The following TNFAIP8 variants were observed in gnomAD, a reference collection of about 807,000 sequenced individuals.
TNFAIP8 encodes the protein tumor necrosis factor alpha-induced protein 8.
In TNFAIP8, 7 loss-of-function variants were observed where a neutral mutation model predicts 13.3. The ratio of observed to expected loss-of-function variants is 0.52; its 90% confidence interval spans 0.30 to 0.99. TNFAIP8 has a LOEUF of 0.99. Among genes scored for constraint, TNFAIP8 ranks in the 50% least tolerant of loss-of-function variants. The pLI is 0.07. For synonymous variants in TNFAIP8, 94 were observed against 87.6 expected (o/e 1.07, Z -0.41); for missense variants, 258 against 236.9 (o/e 1.09, Z -0.58).
chr5:119,333,522 T>C (rs1750451251), intron 1 of TNFAIP8: 2 of 1,531,888 alleles, frequency 1.3e-6, no homozygotes, highest in African/African-American at 1.4e-5. Flanking sequence ...GGTTCCATAG[T>C]GTACACGTCA....
chr5:119,331,998 T>G (rs1352221769), intron 1 of TNFAIP8, among the ~76,000 whole-genome samples: 2 of 152,208 alleles, frequency 1.3e-5, no homozygotes, highest in African/African-American at 4.8e-5. Flanking sequence ...CCTGATGTTT[T>G]CATGGCATGA....
At chr5:119,350,994 CACTCTG>C (rs1358664471) in intron 1 of TNFAIP8, among the ~76,000 whole-genome samples, 2 of 110,676 alleles carry the variant, frequency 1.8e-5, no homozygotes, top group African/African-American at 8.9e-5. Context: ...AGAGGGGTCT[CACTCTG>C]TGTGTGTGTG....
At chr5:119,269,141 A>C (rs1486908850) in intron 1 of TNFAIP8, among the ~76,000 whole-genome samples, 1 of 152,158 alleles carries the variant, frequency 6.6e-6, no homozygotes, top group Admixed American at 6.5e-5. Flanking sequence ...CCAGTGCCGC[A>C]CTGAGGATCC....
intron 1 of TNFAIP8, among the ~76,000 whole-genome samples, chr5:119,291,625 A>C (rs1399650510): frequency 1.3e-5 from 2 of 152,280 alleles, no homozygotes; most frequent in Non-Finnish European, 2.9e-5. Context: ...ATCTTTGAAT[A>C]GTGAAAGGCA....
intron 1 of TNFAIP8, among the ~76,000 whole-genome samples, chr5:119,376,374 G>A (rs775736856): frequency 6.6e-6 from 1 of 152,090 alleles, no homozygotes; most frequent in Non-Finnish European, 1.5e-5. Flanking sequence ...GCCCACCTCA[G>A]CCTCCCAAAG....
At chr5:119,328,264 C>T (rs563206204) in intron 1 of TNFAIP8, among the ~76,000 whole-genome samples, 11 of 152,328 alleles carry the variant, frequency 7.2e-5, no homozygotes, top group Non-Finnish European at 1.2e-4. Context: ...AGAGACAACT[C>T]GGCCTCCCAA....
intron 1 of TNFAIP8, among the ~76,000 whole-genome samples, chr5:119,370,970 A>G (rs1752048915): frequency 6.6e-6 from 1 of 152,208 alleles, no homozygotes; most frequent in South Asian, 2.1e-4. Context: ...AGATTGCTCT[A>G]TTTTGTGATA....
At chr5:119,286,836 T>C (rs1037965958) in intron 1 of TNFAIP8, among the ~76,000 whole-genome samples, 9 of 152,168 alleles carry the variant, frequency 5.9e-5, no homozygotes, top group Non-Finnish European at 1.0e-4. Context: ...ACAAGACAAG[T>C]TGTCAGGATT....
intron 1 of TNFAIP8, among the ~76,000 whole-genome samples, chr5:119,316,883 T>A (rs1749913529): frequency 6.6e-6 from 1 of 152,176 alleles, no homozygotes; most frequent in African/African-American, 2.4e-5. Flanking sequence ...TGGTATCTAG[T>A]GGGTAGAAGA....
chr5:119,376,068 A>G (rs561469637), intron 1 of TNFAIP8, among the ~76,000 whole-genome samples: 12 of 152,194 alleles, frequency 7.9e-5, no homozygotes, highest in Non-Finnish European at 1.6e-4. Flanking sequence ...TTCCACCCAA[A>G]GAACACTGAA....
chr5:119,269,286 C>T (rs1227709668), intron 1 of TNFAIP8, among the ~76,000 whole-genome samples: 2 of 152,164 alleles, frequency 1.3e-5, no homozygotes, highest in African/African-American at 2.4e-5. Flanking sequence ...CACATACTGG[C>T]GAAAGCACTG....
Position 119,393,573 on chromosome 5 carries a change from T to C in TNFAIP8, c.*192T>C, listed in dbSNP as rs1752985126. The C allele has an allele frequency of 1.6e-6, 1 of 634,316 alleles. No homozygotes were observed. 39.3% of individuals were successfully genotyped at this position (634,316 alleles called of 1,614,324 possible). ...AAGAAAAGCATATTGCCAAAAATTC[T>C]GGTTAAAAGCTTCCTAACGGGTAAC... is the stretch of plus-strand genomic sequence containing the variant. On this transcript the variant is annotated 3_prime_UTR_variant, in exon 2 of 2. Transcript: ENST00000504771.
At position 119,395,187 on chromosome 5, in the gene TNFAIP8, GTATATGCTGTAA is replaced by G. The variant is rs1753044902; in HGVS notation, c.*1807_*1818del. On this transcript the variant is annotated 3_prime_UTR_variant, in exon 2 of 2. Transcript: ENST00000504771. ...ACTTCCTAGAGCCAGTAGGTGATCAGTATATGCTGTAACAATAACACAGTGACTACAGAAATG... is the reference window on the plus strand; with the variant it reads ...ACTTCCTAGAGCCAGTAGGTGATCAGCAATAACACAGTGACTACAGAAATG... 1 of 152,204 alleles carries G rather than the reference GTATATGCTGTAA, an allele frequency of 6.6e-6. No individual in the cohort carries two copies. The highest frequency in any genetic ancestry group is 2.1e-4 in the South Asian group (1 of 4,832). The allele number at this position is 152,204 out of a possible 1,614,324, so 9.4% of individuals were successfully genotyped here. A position where few individuals can be genotyped will look rare whatever the true frequency, so the allele number is the denominator to read the frequency against.
chr5:119,387,734 T>C (rs894249509), intron 1 of TNFAIP8, among the ~76,000 whole-genome samples: 1 of 152,214 alleles, frequency 6.6e-6, no homozygotes. Flanking sequence ...CACTTTGCCT[T>C]ACAGCAAATG....
chr5:119,362,492 G>T (rs1394368278), intron 1 of TNFAIP8, among the ~76,000 whole-genome samples: 1 of 152,112 alleles, frequency 6.6e-6, no homozygotes, highest in Non-Finnish European at 1.5e-5. Context: ...CTGAAGTTCA[G>T]TTTCCCCATT....
rs187279144 is a variant in TNFAIP8, at chr5:119,375,284, C to T, written c.32-17532C>T. On this transcript the variant is annotated intron_variant, in intron 1 of 1. Coordinates refer to ENST00000504771, the MANE Select transcript of TNFAIP8 (RefSeq NM_014350.4). ...TCTGTTTTTCTTCCTGTGGTCTCCA[C>T]GGCTTCTTCTATCTCCTAAAATAGG... 2.9e-3 allele frequency among the ~76,000 whole-genome samples: 444 copies of T among 152,278 alleles called. 2 individuals are homozygous for T. Among genetic ancestry groups the T allele is most frequent in the Admixed American group, 3.4e-3 (52 of 15,288 alleles).
chr5:119,321,641 C>T (rs1750059547), intron 1 of TNFAIP8, among the ~76,000 whole-genome samples: 1 of 152,182 alleles, frequency 6.6e-6, no homozygotes, highest in Admixed American at 6.5e-5. Flanking sequence ...GCAGCAAGTT[C>T]TTTCCACTTG....
At chr5:119,342,520 T>G (rs1387357518) in intron 1 of TNFAIP8, among the ~76,000 whole-genome samples, 1 of 152,176 alleles carries the variant, frequency 6.6e-6, no homozygotes, top group Admixed American at 6.5e-5. Flanking sequence ...CAGGGTTTTT[T>G]TTTGATAATG....
chr5:119,333,188 C>T (rs1252945843), intron 1 of TNFAIP8: 22 of 988,200 alleles, frequency 2.2e-5, no homozygotes, highest in Non-Finnish European at 2.6e-5. Context: ...TTTGAATATA[C>T]TCCTGTTTGC....
Sources: gnomAD v4.1 joint callset for allele counts (sites outside exome capture counted in the v4.1 genomes callset) on GRCh38, gnomAD v4.1.1 for gene constraint, MANE v1.5 for transcripts, NCBI Gene and HGNC (gene_info 2026-07-23, HGNC 2026-07-21) for gene names.